Variants in MBOAT2 observed in about 807,000 individuals in gnomAD.
MBOAT2 encodes membrane bound glycerophospholipid O-acyltransferase 2, also known as membrane-bound glycerophospholipid O-acyltransferase 2.
A neutral mutation model predicts 63.4 loss-of-function variants in MBOAT2; 28 were observed. The observed-to-expected ratio is 0.44, with a 90% CI of 0.33 to 0.61. The LOEUF (loss-of-function observed/expected upper bound fraction) is 0.61. Ranked by LOEUF, MBOAT2 falls within the 20% of genes least tolerant of loss-of-function variation. The probability of loss-of-function intolerance (pLI) is 0.03; values close to 1 mark genes in which losing one functional copy is unlikely to be tolerated. For synonymous variants in MBOAT2, 211 were observed against 215.6 expected (o/e 0.98, Z 0.19); for missense variants, 470 against 605.8 (o/e 0.78, Z 2.35).
At chr2:8,873,076 G>A in intron 8 of MBOAT2, 32 bp downstream of exon 8, 1 of 1,591,956 alleles carries the variant, frequency 6.3e-7, no homozygotes, top group Non-Finnish European at 8.6e-7. Context: ...GCTTCAACCA[G>A]ACACAGGGAA....
chr2:8,872,002 C>A (rs1302384031), intron 8 of MBOAT2, among the ~76,000 whole-genome samples: 1 of 152,198 alleles, frequency 6.6e-6, no homozygotes, highest in Admixed American at 6.5e-5. Flanking sequence ...CTACTTTAGT[C>A]CAACCTTCAA....
intron 2 of MBOAT2, among the ~76,000 whole-genome samples, chr2:8,950,828 T>C (rs1668773417): frequency 6.6e-6 from 1 of 152,210 alleles, no homozygotes; most frequent in Non-Finnish European, 1.5e-5. Context: ...CCTACTTTCC[T>C]AAGAGTTTTT....
At chr2:8,970,756 A>G (rs1194614136) in intron 1 of MBOAT2, among the ~76,000 whole-genome samples, 2 of 152,238 alleles carry the variant, frequency 1.3e-5, no homozygotes, top group Non-Finnish European at 1.5e-5. Flanking sequence ...CTACACAAAT[A>G]AACTAGAAAA....
intron 1 of MBOAT2, among the ~76,000 whole-genome samples, chr2:8,967,387 T>C (rs1670069361): frequency 6.6e-6 from 1 of 152,198 alleles, no homozygotes; most frequent in South Asian, 2.1e-4. Flanking sequence ...ATGGCTCTAA[T>C]GAAACAGAGG....
At chr2:8,931,983 C>T (rs1667349806) in intron 3 of MBOAT2, among the ~76,000 whole-genome samples, 2 of 152,076 alleles carry the variant, frequency 1.3e-5, no homozygotes, top group South Asian at 2.1e-4. Context: ...GTTCAATTTT[C>T]GCCATGAGGA....
chr2:8,943,142 T>C, intron 3 of MBOAT2, 45 bp downstream of exon 3: 2 of 1,142,804 alleles, frequency 1.8e-6, no homozygotes, highest in Non-Finnish European at 2.5e-6. Flanking sequence ...TGCAGTTCTA[T>C]TCAAGTGAAA....
chr2:8,858,814 T>C lies in MBOAT2; in HGVS notation c.1428A>G (p.Glu476=). ...TTTTGGATTGTGAGAGCTGAATGTTTTCATGTGTATTCTTTCTTCTTTGAG... is the reference window on the plus strand; with the variant it reads ...TTTTGGATTGTGAGAGCTGAATGTTCTCATGTGTATTCTTTCTTCTTTGAG... ...KKTQRRKNTH[E]NIQLSQSKKF... is the part of the protein sequence containing the mutation. The change falls in exon 13 of 13, where the codon GAA becomes GAG. Residue 476 remains glutamate, a synonymous_variant. Transcript: ENST00000305997. 6.2e-7 allele frequency: 1 copy of C among 1,614,112 alleles called. No individual in the cohort carries two copies. Among genetic ancestry groups the C allele is most frequent in the Non-Finnish European group, 8.5e-7 (1 of 1,180,002 alleles).
At chr2:8,998,649 A>G (rs1227770855) in intron 1 of MBOAT2, among the ~76,000 whole-genome samples, 1 of 150,634 alleles carries the variant, frequency 6.6e-6, no homozygotes, top group Non-Finnish European at 1.5e-5. Context: ...AGATCAGTCA[A>G]TGAACTGTCC....
At chr2:8,997,841 C>G (rs1672415233) in intron 1 of MBOAT2, among the ~76,000 whole-genome samples, 1 of 152,176 alleles carries the variant, frequency 6.6e-6, no homozygotes, top group Non-Finnish European at 1.5e-5. Flanking sequence ...TTCCACTACA[C>G]CACTGCCCTA....
rs57148644 is a variant in MBOAT2, at chr2:8,907,056, T to C, written c.395+1565A>G. 1.3e-3 allele frequency among the ~76,000 whole-genome samples: 197 copies of C among 152,342 alleles called. 2 individuals carry two copies. Among genetic ancestry groups the C allele is most frequent in the African/African-American group, 4.4e-3 (184 of 41,574 alleles). On this transcript the variant is annotated intron_variant, in intron 4 of 12. Coordinates refer to ENST00000305997, the MANE Select transcript of MBOAT2 (RefSeq NM_138799.4). ...ATTTTACAGTATCGTTAACCTTAAG[T>C]TGCTAATGTTAATATTTGTTATCAA...
chr2:8,979,645 A>C (rs1671067038), intron 1 of MBOAT2, among the ~76,000 whole-genome samples: 1 of 152,244 alleles, frequency 6.6e-6, no homozygotes, highest in Middle Eastern at 3.4e-3. Flanking sequence ...GGTACTGCCA[A>C]TATGTGTAAT....
At chr2:8,924,906 G>C (rs1044501447) in intron 3 of MBOAT2, among the ~76,000 whole-genome samples, 6 of 151,936 alleles carry the variant, frequency 3.9e-5, no homozygotes, top group African/African-American at 1.5e-4. Flanking sequence ...TTTACATGAA[G>C]ATTTAAGACC....
intron 1 of MBOAT2, among the ~76,000 whole-genome samples, chr2:8,978,034 C>A (rs1670941395): frequency 6.6e-6 from 1 of 152,208 alleles, no homozygotes; most frequent in South Asian, 2.1e-4. Flanking sequence ...ACCAGTCAGT[C>A]CCTACACAGC....
At chr2:8,879,720 T>C (rs1468782055) in intron 6 of MBOAT2, among the ~76,000 whole-genome samples, 1 of 152,118 alleles carries the variant, frequency 6.6e-6, no homozygotes, top group Non-Finnish European at 1.5e-5. Flanking sequence ...TGTCTAGACA[T>C]TGTCAGCTGA....
intron 1 of MBOAT2, among the ~76,000 whole-genome samples, chr2:8,974,808 A>G (rs1391363061): frequency 6.6e-6 from 1 of 152,170 alleles, no homozygotes; most frequent in South Asian, 2.1e-4. Context: ...TCATCTCCCT[A>G]TACTGAATCT....
chr2:9,003,611 C>A lies in MBOAT2; in HGVS notation c.4G>T (p.Ala2Ser). Residue 2 changes from alanine (A) to serine (S), a missense_variant, in exon 1 of 13, where the codon GCC (alanine) becomes TCC (serine). This residue lies in a region of MBOAT2 where 376 missense variants were observed against 503.8 expected (regional missense o/e 0.75). Transcript: ENST00000305997. The surrounding 1 kb of genome is among the most constrained non-coding windows in gnomAD (Gnocchi z 5.4). M[A>S]TTSTTGSTLL... The stretch of plus-strand genomic sequence containing the variant: ...GTGGAGCCCGTGGTGCTGGTGGTGG[C>A]CATGGCCGGGCCTCGGCGCTCCGGC... 1 of 1,192,108 alleles carries A rather than the reference C, an allele frequency of 8.4e-7. No individual in the cohort carries two copies. Among genetic ancestry groups the A allele is most frequent in the East Asian group, 3.9e-5 (1 of 25,424 alleles). The allele number at this position is 1,192,108 out of a possible 1,614,324, so 73.8% of individuals were successfully genotyped here.
intron 1 of MBOAT2, among the ~76,000 whole-genome samples, chr2:8,960,541 A>C (rs1669535158): frequency 6.6e-6 from 1 of 152,100 alleles, no homozygotes; most frequent in Non-Finnish European, 1.5e-5. Context: ...CAGGGCGGGC[A>C]GCATTTCCCA....
chr2:8,994,282 C>G (rs192629901), intron 1 of MBOAT2, among the ~76,000 whole-genome samples: 1 of 152,260 alleles, frequency 6.6e-6, no homozygotes, highest in African/African-American at 2.4e-5. Flanking sequence ...GAGTAGAATA[C>G]AGTGAAAGCG....
intron 4 of MBOAT2, among the ~76,000 whole-genome samples, chr2:8,898,711 G>A (rs551625933): frequency 2.1e-4 from 32 of 152,358 alleles, no homozygotes; most frequent in Admixed American, 6.5e-4. Context: ...GGGCAAGACC[G>A]TCCACGTAAG....
Sources: gnomAD v4.1 joint callset for allele counts (sites outside exome capture counted in the v4.1 genomes callset) on GRCh38, gnomAD v4.1.1 for gene constraint, gnomAD v4.1.1 regional missense constraint, Gnocchi (gnomAD v3.1) non-coding constraint, MANE v1.5 for transcripts, NCBI Gene and HGNC (gene_info 2026-07-23, HGNC 2026-07-21) for gene names.